Variants in PELI1 observed in about 807,000 individuals in gnomAD.
The protein encoded by PELI1 is E3 ubiquitin-protein ligase pellino homolog 1.
Under a neutral mutation model 41.3 loss-of-function variants are expected in PELI1, and 15 were observed. The observed-to-expected ratio is 0.36, with a 90% CI of 0.24 to 0.56. PELI1 has a LOEUF of 0.56. PELI1 is among the 20% of genes least tolerant of loss of function. The pLI is 0.82. For synonymous variants in PELI1, 178 were observed against 180.1 expected, an observed-to-expected ratio of 0.99 and a Z score of 0.09; for missense variants, 403 against 525.5, an observed-to-expected ratio of 0.77 and a Z score of 2.28.
chr2:64,127,367 T>C (rs1681424954), intron 1 of PELI1, among the ~76,000 whole-genome samples: 1 of 152,206 alleles, frequency 6.6e-6, no homozygotes. Flanking sequence ...AGTGAGTCCT[T>C]GTCTCTACAA....
At chr2:64,112,415 G>A (rs1680835010) in intron 1 of PELI1, among the ~76,000 whole-genome samples, 1 of 152,058 alleles carries the variant, frequency 6.6e-6, no homozygotes, top group Non-Finnish European at 1.5e-5. Flanking sequence ...TAGTTCTATT[G>A]CGTCTATAGC....
In PELI1 at chr2:64,095,904, A is replaced by G. The variant is rs150709476; in HGVS notation, c.690+221T>C. Among the ~76,000 whole-genome samples, 464 of 152,266 alleles carry G rather than the reference A, an allele frequency of 3.0e-3. 4 individuals are homozygous for G. The highest frequency in any genetic ancestry group is 0.011 in the African/African-American group (442 of 41,546). On this transcript the variant is annotated intron_variant, in intron 6 of 6. Transcript: ENST00000358912. Reference sequence around the variant, plus strand: ...GTGATCCATCTGCCTCGGCCTTCCAAAGTGCTGGGATTACAGGTGTGAGCC... The same window carrying G: ...GTGATCCATCTGCCTCGGCCTTCCAGAGTGCTGGGATTACAGGTGTGAGCC...
intron 4 of PELI1, among the ~76,000 whole-genome samples, chr2:64,099,783 C>CT (rs1182555022): frequency 6.6e-6 from 1 of 152,148 alleles, no homozygotes; most frequent in Admixed American, 6.5e-5. Flanking sequence ...CTATTTACAT[C>CT]TTTGGAACTG....
At chr2:64,101,824 ATTTT>A (rs34370706) in intron 3 of PELI1, among the ~76,000 whole-genome samples, 3 of 121,116 alleles carry the variant, frequency 2.5e-5, no homozygotes, top group Non-Finnish European at 1.7e-5. Context: ...TTTGCTTCTG[ATTTT>A]TTTTTTTTTT....
chr2:64,094,882 A>T lies in PELI1; in HGVS notation c.1077T>A (p.Pro359=). 6.2e-7 allele frequency: 1 copy of T among 1,614,192 alleles called. No individual in the cohort carries two copies. Among genetic ancestry groups the T allele is most frequent in the Non-Finnish European group, 8.5e-7 (1 of 1,180,034 alleles). Residue 359 remains proline (P), a synonymous_variant, in exon 7 of 7, where the codon CCT becomes CCA. Coordinates refer to ENST00000358912, the MANE Select transcript of PELI1 (RefSeq NM_020651.4). Reference sequence around the variant, plus strand: ...CACACGGGCTAAACGCATGGGTTGGAGGGCCGGCGTCCACATAAAATCCAG... The same window carrying T: ...CACACGGGCTAAACGCATGGGTTGGTGGGCCGGCGTCCACATAAAATCCAG... ...CEAGFYVDAG[P]PTHAFSPCGH...
At chr2:64,102,034 C>G (rs1480974425) in intron 3 of PELI1, among the ~76,000 whole-genome samples, 1 of 151,978 alleles carries the variant, frequency 6.6e-6, no homozygotes, top group Non-Finnish European at 1.5e-5. Context: ...GCCATGTTGG[C>G]CAGGCTGGTC....
intron 1 of PELI1, 95 bp downstream of exon 1, chr2:64,143,986 G>A (rs1166058003): frequency 1.3e-5 from 2 of 151,202 alleles, no homozygotes; most frequent in Non-Finnish European, 3.0e-5. Flanking sequence ...GCTGGCCGCC[G>A]GGGAAGCCGC....
intron 1 of PELI1, among the ~76,000 whole-genome samples, chr2:64,118,973 TG>T (rs1479558035): frequency 1.4e-5 from 2 of 147,974 alleles, no homozygotes; most frequent in African/African-American, 5.0e-5. Context: ...TTCTAAAATA[TG>T]TTTTTGTTTT....
Position 64,096,254 on chromosome 2 carries a change from A to G in PELI1, c.561T>C (p.Gly187=), listed in dbSNP as rs1344674201. 1.7e-5 allele frequency: 27 copies of G among 1,613,900 alleles called. No homozygotes were observed. The highest frequency in any genetic ancestry group is 1.9e-5 in the Non-Finnish European group (22 of 1,179,902). The change falls in exon 6 of 7, where the codon GGT becomes GGC. Residue 187 remains glycine, a synonymous_variant. Coordinates refer to ENST00000358912, the MANE Select transcript of PELI1 (RefSeq NM_020651.4). ...CATTGCGTGGATGCATCACAAGAACACCATTAGTGGTCAAGCCATCCATCT... is the reference window on the plus strand; with the variant it reads ...CATTGCGTGGATGCATCACAAGAACGCCATTAGTGGTCAAGCCATCCATCT... ...DGQMDGLTTN[G]VLVMHPRNGF...
chr2:64,130,949 C>G (rs553313957), intron 1 of PELI1, among the ~76,000 whole-genome samples: 2 of 152,126 alleles, frequency 1.3e-5, no homozygotes, highest in South Asian at 4.2e-4. Context: ...CAATGGGTAA[C>G]TTATTTTCCT....
intron 1 of PELI1, among the ~76,000 whole-genome samples, chr2:64,123,560 G>A (rs892878169): frequency 6.6e-6 from 1 of 152,160 alleles, no homozygotes; most frequent in Non-Finnish European, 1.5e-5. Context: ...ATAAAAAGAT[G>A]CTCATTAGCC....
In PELI1 at chr2:64,139,639, G is replaced by C. The variant is rs532833788; in HGVS notation, c.-70+4442C>G. ...GTATTTTATTTATTTTATGGTTTGT[G>C]TCTTATTACTAGAATGTAAACACCA... On this transcript the variant is annotated intron_variant, in intron 1 of 6. Transcript: ENST00000358912. 1.2e-4 allele frequency among the ~76,000 whole-genome samples: 19 copies of C among 152,272 alleles called. 1 individual carries two copies. The South Asian group carries it at 3.5e-3, about 28-fold the overall frequency.
Position 64,095,244 on chromosome 2 carries a change from G to C in PELI1, c.715C>G (p.Gln239Glu). ...KMVEIETNQL[Q>E]DGSLIDLCGA... ...CAGAGGTCAATTAACGAGCCATCTTGTAACTGATTGGTTTCAATTTCCACC... is the reference window on the plus strand; with the variant it reads ...CAGAGGTCAATTAACGAGCCATCTTCTAACTGATTGGTTTCAATTTCCACC... The change falls in exon 7 of 7, where the codon CAA (glutamine) becomes GAA (glutamate). Residue 239 changes from glutamine (Q) to glutamate (E), a missense_variant. Gln to Glu is a conservative substitution (Grantham distance 29, BLOSUM62 2). Coordinates refer to ENST00000358912, the MANE Select transcript of PELI1 (RefSeq NM_020651.4). 6.2e-7 allele frequency: 1 copy of C among 1,613,314 alleles called. No homozygotes were observed. Among genetic ancestry groups the C allele is most frequent in the East Asian group, 2.2e-5 (1 of 44,862 alleles).
rs139924993 is a variant in PELI1, at chr2:64,111,912, C to G, written c.-69-3533G>C. Among the ~76,000 whole-genome samples, 6 of 152,158 alleles carry G rather than the reference C, an allele frequency of 3.9e-5. No homozygotes were observed. The East Asian group carries it at 1.2e-3, about 29-fold the overall frequency. The stretch of plus-strand genomic sequence containing the variant: ...GTTTAGACAATTAAGGAACTGACAT[C>G]AAACATGAAAACAATGCTTTGACAC... On this transcript the variant is annotated intron_variant, in intron 1 of 6. Transcript: ENST00000358912.
intron 1 of PELI1, among the ~76,000 whole-genome samples, chr2:64,132,789 T>C (rs1406596889): frequency 6.6e-6 from 1 of 152,226 alleles, no homozygotes; most frequent in East Asian, 1.9e-4. Context: ...AATGGCATAG[T>C]ACTTTTATAA....
chr2:64,095,095 T>C lies in PELI1; in HGVS notation c.864A>G (p.Thr288=), dbSNP rs1028559509. ...TCCTCTTCATACTAGGAAATGCTAG[T>C]GTGTTGAACCCTACAGGGCACTGAG... The part of the protein sequence containing the change: ...ARPQCPVGFN[T]LAFPSMKRKD... The change falls in exon 7 of 7, where the codon ACA becomes ACG. Residue 288 remains threonine, a synonymous_variant. Transcript: ENST00000358912. 1 of 1,614,210 alleles carries C rather than the reference T, an allele frequency of 6.2e-7. No homozygotes were observed. Among genetic ancestry groups the C allele is most frequent in the Non-Finnish European group, 8.5e-7 (1 of 1,180,024 alleles).
At chr2:64,112,600 T>G (rs996272667) in intron 1 of PELI1, among the ~76,000 whole-genome samples, 5 of 152,236 alleles carry the variant, frequency 3.3e-5, no homozygotes, top group African/African-American at 9.6e-5. Context: ...TCTGGGGATA[T>G]TTTATCAGTG....
chr2:64,131,470 T>C (rs1330953791), intron 1 of PELI1, among the ~76,000 whole-genome samples: 1 of 152,164 alleles, frequency 6.6e-6, no homozygotes, highest in African/African-American at 2.4e-5. Flanking sequence ...TTTTTTATTA[T>C]ATTTGTTTTC....
chr2:64,114,471 C>T (rs936954902), intron 1 of PELI1, among the ~76,000 whole-genome samples: 1 of 152,188 alleles, frequency 6.6e-6, no homozygotes, highest in African/African-American at 2.4e-5. Context: ...TGTCTTTTAG[C>T]TTCTCAACAC....
Sources: allele counts gnomAD v4.1 joint callset (sites outside exome capture counted in the v4.1 genomes callset), GRCh38; gene constraint gnomAD v4.1.1; transcripts MANE v1.5; gene names NCBI Gene and HGNC (gene_info 2026-07-23, HGNC 2026-07-21).